Variants in CYS1 observed in about 807,000 individuals in gnomAD.
CYS1 encodes cystin 1.
Under a neutral mutation model 9.6 loss-of-function variants are expected in CYS1, and 5 were observed. That is an observed-to-expected ratio of 0.52 (90% CI 0.27 to 1.10). The LOEUF is 1.10. CYS1 is among the 50% of genes least tolerant of loss of function. The probability of loss-of-function intolerance (pLI) is 0.11; values close to 1 mark genes in which losing one functional copy is unlikely to be tolerated. For missense variants in CYS1, 221 were observed against 207.9 expected (o/e 1.06, Z -0.39); for synonymous variants, 88 against 95.7 (o/e 0.92, Z 0.47).
chr2:10,072,513 A>T (rs6713509), intron 1 of CYS1, among the ~76,000 whole-genome samples: 18,415 of 152,312 alleles, frequency 0.12, 1,258 homozygotes, highest in African/African-American at 0.17. Flanking sequence ...GTATGTATGT[A>T]CATACACCAG....
At chr2:10,066,235 G>A (rs1285959480) in intron 1 of CYS1, among the ~76,000 whole-genome samples, 1 of 152,140 alleles carries the variant, frequency 6.6e-6, no homozygotes, top group South Asian at 2.1e-4. Flanking sequence ...CCATGTGAGG[G>A]TTGTCTCTCA....
rs974522770 is a variant in CYS1, at chr2:10,076,084, G to A, written c.318+3822C>T. ...TGCTCCTATAGTCCCAGCTACTCGG[G>A]ATGCTGAGACAGGAGAATTGCTTGA... is the stretch of plus-strand genomic sequence containing the variant. On this transcript the variant is annotated intron_variant, in intron 1 of 2. Coordinates refer to ENST00000381813, the MANE Select transcript of CYS1 (RefSeq NM_001037160.3). The surrounding 1 kb of genome is among the most constrained non-coding windows in gnomAD (Gnocchi z 4.3). Among the ~76,000 whole-genome samples the A allele has an allele frequency of 3.3e-5, 5 of 152,178 alleles. 1 individual carries two copies. The South Asian group carries it at 6.2e-4, about 19-fold the overall frequency.
At chr2:10,079,758 G>T in intron 1 of CYS1, 148 bp downstream of exon 1, 1 of 387,226 alleles carries the variant, frequency 2.6e-6, no homozygotes, top group Non-Finnish European at 3.7e-6. Context: ...GGGGGCCCAG[G>T]GGCGGGGAGG....
intron 2 of CYS1, among the ~76,000 whole-genome samples, chr2:10,064,848 G>A (rs1447399139): frequency 6.6e-6 from 1 of 151,566 alleles, no homozygotes; most frequent in Non-Finnish European, 1.5e-5. Flanking sequence ...CCCCGGAGTA[G>A]CTGGGATTAC....
At chr2:10,079,538 G>A (rs1205676430) in intron 1 of CYS1, among the ~76,000 whole-genome samples, 1 of 152,102 alleles carries the variant, frequency 6.6e-6, no homozygotes, top group African/African-American at 2.4e-5. Flanking sequence ...GCGCGGCAGG[G>A]CGCTTCTGAG....
At chr2:10,074,589 T>C (rs1486217119) in intron 1 of CYS1, among the ~76,000 whole-genome samples, 1 of 152,206 alleles carries the variant, frequency 6.6e-6, no homozygotes, top group African/African-American at 2.4e-5. Context: ...TTCTTTGCAA[T>C]GCATGTTTTC....
intron 1 of CYS1, among the ~76,000 whole-genome samples, chr2:10,074,312 C>T (rs1558360913): frequency 6.6e-6 from 1 of 152,236 alleles, no homozygotes; most frequent in South Asian, 2.1e-4. Context: ...ATCTTCTCAA[C>T]TACACAAGCA....
chr2:10,063,134 C>T lies in CYS1; in HGVS notation c.371+2770G>A, dbSNP rs1459719884. Reference sequence around the variant, plus strand: ...TCAAGGCCCACACGCCCCAGGCTGACATTAAACAATCCTGTCAATAAGCGT... The same window carrying T: ...TCAAGGCCCACACGCCCCAGGCTGATATTAAACAATCCTGTCAATAAGCGT... On this transcript the variant is annotated intron_variant, in intron 2 of 2. Transcript: ENST00000381813. The surrounding 1 kb of genome is among the most constrained non-coding windows in gnomAD (Gnocchi z 4.2). 1.3e-5 allele frequency among the ~76,000 whole-genome samples: 2 copies of T among 152,224 alleles called. No individual in the cohort carries two copies. The highest frequency in any genetic ancestry group is 1.5e-5 in the Non-Finnish European group (1 of 68,046).
chr2:10,058,797 G>C lies in CYS1; in HGVS notation c.*56C>G. 4 of 1,442,374 alleles carry C rather than the reference G, an allele frequency of 2.8e-6. No individual in the cohort carries two copies. The highest frequency in any genetic ancestry group is 1.9e-6 in the Non-Finnish European group (2 of 1,063,050). The allele number at this position is 1,442,374 out of a possible 1,614,324, so 89.3% of individuals were successfully genotyped here. On this transcript the variant is annotated 3_prime_UTR_variant, in exon 3 of 3. Transcript: ENST00000381813. ...CCTGCTAGAGCTCTGTGCAAGCAGA[G>C]GGTGCCCCAGCCAGCAGGTGCCTCC...
intron 1 of CYS1, among the ~76,000 whole-genome samples, chr2:10,073,732 G>T (rs1280365864): frequency 2.0e-5 from 3 of 152,180 alleles, no homozygotes; most frequent in Admixed American, 6.5e-5. Context: ...GGGACTCAAA[G>T]CTCCAAGGTT....
intron 1 of CYS1, 123 bp from the exon 2 acceptor site, chr2:10,066,079 G>A: frequency 1.8e-6 from 2 of 1,091,740 alleles, no homozygotes; most frequent in Non-Finnish European, 2.7e-6. Context: ...AAGCCTCGGA[G>A]CGGAAAGGCT....
At chr2:10,075,373 G>A (rs1038248310) in intron 1 of CYS1, among the ~76,000 whole-genome samples, 2 of 152,200 alleles carry the variant, frequency 1.3e-5, no homozygotes, top group Non-Finnish European at 1.5e-5. Flanking sequence ...TTCCCAACAC[G>A]GTTATGAGCT....
chr2:10,058,685 T>G lies in CYS1; in HGVS notation c.*168A>C. The G allele has an allele frequency of 1.8e-6, 1 of 557,758 alleles. No homozygotes were observed. Among genetic ancestry groups the G allele is most frequent in the East Asian group, 3.0e-5 (1 of 33,508 alleles). The allele number at this position is 557,758 out of a possible 1,614,324, so 34.6% of individuals were successfully genotyped here. On this transcript the variant is annotated 3_prime_UTR_variant, in exon 3 of 3. Coordinates refer to ENST00000381813, the MANE Select transcript of CYS1 (RefSeq NM_001037160.3). ...ACCAGCAACCATGACCGCCAGTGGCTGGCCCAGGTCAGCGCGGTCTGAAAG... is the reference window on the plus strand; with the variant it reads ...ACCAGCAACCATGACCGCCAGTGGCGGGCCCAGGTCAGCGCGGTCTGAAAG...
At chr2:10,061,661 T>TGGC (rs972515284) in intron 2 of CYS1, among the ~76,000 whole-genome samples, 8 of 152,310 alleles carry the variant, frequency 5.3e-5, no homozygotes, top group Non-Finnish European at 1.2e-4. Flanking sequence ...GAGCAGGGAC[T>TGGC]GGCGCAAGGG....
chr2:10,069,866 C>T (rs4233874), intron 1 of CYS1, among the ~76,000 whole-genome samples: 63,132 of 151,912 alleles, frequency 0.42, 13,429 homozygotes, highest in East Asian at 0.62. Flanking sequence ...CATGTGGAAA[C>T]AGGCCACACT....
chr2:10,058,717 T>TG lies in CYS1; in HGVS notation c.*135dup. The TG allele has an allele frequency of 1.3e-6, 1 of 747,180 alleles. No individual in the cohort carries two copies. Among genetic ancestry groups the TG allele is most frequent in the Non-Finnish European group, 2.1e-6 (1 of 478,388 alleles). 46.3% of individuals were successfully genotyped at this position (747,180 alleles called of 1,614,324 possible). On this transcript the variant is annotated 3_prime_UTR_variant, in exon 3 of 3. Coordinates refer to ENST00000381813, the MANE Select transcript of CYS1 (RefSeq NM_001037160.3). ...GGTCAGCGCGGTCTGAAAGTGGATT[T>TG]GAAAGGGCAGCTTTGAATATCCGGG...
At position 10,058,739 on chromosome 2, in the gene CYS1, C is replaced by T. The variant is rs1661584485; in HGVS notation, c.*114G>A. On this transcript the variant is annotated 3_prime_UTR_variant, in exon 3 of 3. Coordinates refer to ENST00000381813, the MANE Select transcript of CYS1 (RefSeq NM_001037160.3). ...ATTTGAAAGGGCAGCTTTGAATATCCGGGAGTGACTGCGTTTTGGAGGTGG... is the reference window on the plus strand; with the variant it reads ...ATTTGAAAGGGCAGCTTTGAATATCTGGGAGTGACTGCGTTTTGGAGGTGG... 2 of 889,156 alleles carry T rather than the reference C, an allele frequency of 2.2e-6. No individual in the cohort carries two copies. Among genetic ancestry groups the T allele is most frequent in the East Asian group, 2.7e-5 (1 of 36,756 alleles). The allele number at this position is 889,156 out of a possible 1,614,324, so 55.1% of individuals were successfully genotyped here.
At chr2:10,072,895 GA>G in intron 1 of CYS1, among the ~76,000 whole-genome samples, 1 of 151,990 alleles carries the variant, frequency 6.6e-6, no homozygotes, top group African/African-American at 2.4e-5. Context: ...CTGTGAGTCG[GA>G]GAGTGGTGCG....
rs752681106 is a variant in CYS1 at position 10,067,108 on chromosome 2, C to T, written c.319-1152G>A. Among the ~76,000 whole-genome samples, 54 of 152,092 alleles carry T rather than the reference C, an allele frequency of 3.6e-4. 1 individual carries two copies. Among genetic ancestry groups the T allele is most frequent in the Admixed American group, 2.4e-3 (36 of 15,254 alleles). ...TCAGCTCACTGCAACCTCTGCCTCC[C>T]GGATTCAAGTGATTCTCCTGCCTCA... On this transcript the variant is annotated intron_variant, in intron 1 of 2. Transcript: ENST00000381813.
Sources: gnomAD v4.1 joint callset for allele counts (sites outside exome capture counted in the v4.1 genomes callset) on GRCh38, gnomAD v4.1.1 for gene constraint, Gnocchi (gnomAD v3.1) non-coding constraint, MANE v1.5 for transcripts, NCBI Gene and HGNC (gene_info 2026-07-23, HGNC 2026-07-21) for gene names.